Variants in STARD13 observed in about 807,000 individuals in gnomAD.
STARD13 encodes the protein stAR-related lipid transfer protein 13.
A neutral mutation model predicts 106.4 loss-of-function variants in STARD13; 62 were observed. The ratio of observed to expected loss-of-function variants is 0.58; its 90% confidence interval spans 0.48 to 0.72. The LOEUF (loss-of-function observed/expected upper bound fraction) is 0.72. Ranked by LOEUF, STARD13 falls within the 30% of genes least tolerant of loss-of-function variation. The pLI, the probability that STARD13 is intolerant of heterozygous loss-of-function variation, is 0.00. For missense variants in STARD13, 1,387 were observed against 1,424.0 expected (o/e 0.97, Z 0.42); for synonymous variants, 565 against 553.0 (o/e 1.02, Z -0.31).
chr13:33,399,228 G>A, the STARD13 span, among the ~76,000 whole-genome samples: 1 of 152,038 alleles, frequency 6.6e-6, no homozygotes, highest in African/African-American at 2.4e-5. Context: ...AATGAAATAA[G>A]CGACACATAT....
the STARD13 span, among the ~76,000 whole-genome samples, chr13:33,457,782 G>C: frequency 6.6e-6 from 1 of 152,144 alleles, no homozygotes; most frequent in Non-Finnish European, 1.5e-5. Flanking sequence ...CCATCATAAG[G>C]GTTTCATTCT....
chr13:33,656,211 A>C, the STARD13 span, among the ~76,000 whole-genome samples: 1 of 152,214 alleles, frequency 6.6e-6, no homozygotes, highest in Non-Finnish European at 1.5e-5. Flanking sequence ...TCTCTGTTCT[A>C]TACCCCGTGC....
At chr13:33,221,952 C>A (rs1313167794) in intron 1 of STARD13, among the ~76,000 whole-genome samples, 2 of 152,138 alleles carry the variant, frequency 1.3e-5, no homozygotes, top group African/African-American at 4.8e-5. Flanking sequence ...AGATCGAGAC[C>A]ATCCTGGCCA....
intron 7 of STARD13, among the ~76,000 whole-genome samples, chr13:33,125,514 C>T (rs1877018725): frequency 6.6e-6 from 1 of 152,048 alleles, no homozygotes; most frequent in African/African-American, 2.4e-5. Flanking sequence ...TGTTTAGCTT[C>T]AGCATTGAAT....
intron 1 of STARD13, among the ~76,000 whole-genome samples, chr13:33,309,634 G>A (rs1893056062): frequency 6.6e-6 from 1 of 152,188 alleles, no homozygotes; most frequent in African/African-American, 2.4e-5. Flanking sequence ...ACCCTATAAA[G>A]CACTGGTAAT....
chr13:33,529,370 CTTTA>C, the STARD13 span, among the ~76,000 whole-genome samples: 1 of 152,106 alleles, frequency 6.6e-6, no homozygotes, highest in Non-Finnish European at 1.5e-5. Flanking sequence ...AGTTTCATGC[CTTTA>C]TTTTTCACTT....
chr13:33,140,253 T>C (rs1380030870), intron 4 of STARD13, among the ~76,000 whole-genome samples: 1 of 152,228 alleles, frequency 6.6e-6, no homozygotes, highest in Admixed American at 6.5e-5. Flanking sequence ...TGGCATTTTC[T>C]TTTGTGATGC....
At chr13:33,214,566 A>G (rs532743247) in intron 1 of STARD13, among the ~76,000 whole-genome samples, 1 of 152,318 alleles carries the variant, frequency 6.6e-6, no homozygotes, top group African/African-American at 2.4e-5. Flanking sequence ...TGATAAGTGC[A>G]TCTGCCAGCT....
chr13:33,127,681 A>G, intron 5 of STARD13, 135 bp from the exon 6 acceptor site: 1 of 801,204 alleles, frequency 1.2e-6, no homozygotes, highest in East Asian at 3.1e-5. Context: ...AATGGAACAG[A>G]AGACACAAGT....
chr13:33,111,877 T>C lies in STARD13; in HGVS notation c.2508A>G (p.Lys836=). 6.2e-7 allele frequency: 1 copy of C among 1,613,050 alleles called. No individual in the cohort carries two copies. The highest frequency in any genetic ancestry group is 1.1e-5 in the South Asian group (1 of 91,054). The change falls in exon 10 of 14, where the codon AAA becomes AAG. Residue 836 remains lysine (K), a synonymous_variant. Transcript: ENST00000336934. The part of the protein sequence containing the change: ...KESSPRVIQK[K]YATGKPDQKD... The stretch of plus-strand genomic sequence containing the variant: ...TTTGATCTGGCTTCCCAGTGGCATA[T>C]TTCTTCTGTATGACTCTGTAATTGA...
In STARD13 at chr13:33,291,135, T is replaced by G. The variant is rs773195356; in HGVS notation, c.124+59155A>C. ...CTACTGCAGTAGTTAATTCTCTACC[T>G]GCATATACAGAGTGTATTATCCCAC... On this transcript the variant is annotated intron_variant, in intron 1 of 5. Transcript: ENST00000567873. 3.0e-4 allele frequency among the ~76,000 whole-genome samples: 46 copies of G among 152,254 alleles called. 1 individual carries two copies. The highest frequency in any genetic ancestry group is 5.9e-5 in the Non-Finnish European group (4 of 68,040).
intron 1 of STARD13, among the ~76,000 whole-genome samples, chr13:33,224,147 G>A (rs1028123044): frequency 6.6e-6 from 1 of 152,166 alleles, no homozygotes; most frequent in Non-Finnish European, 1.5e-5. Context: ...TAATGTGCAG[G>A]CTGAGAAAGC....
At chr13:33,105,765 A>C (rs966438133) in intron 13 of STARD13, 55 bp from the exon 14 acceptor site, 7 of 1,486,014 alleles carry the variant, frequency 4.7e-6, no homozygotes, top group Non-Finnish European at 5.6e-6. Flanking sequence ...AAATCACAGC[A>C]ATTAGTTTTG....
the STARD13 span, among the ~76,000 whole-genome samples, chr13:33,623,803 T>A: frequency 0.12 from 18,341 of 151,858 alleles, 2,779 homozygotes; most frequent in African/African-American, 0.36. Context: ...AAAAAAGTGT[T>A]AAAAAAAGAC....
the STARD13 span, among the ~76,000 whole-genome samples, chr13:33,406,616 C>T: frequency 6.6e-6 from 1 of 152,172 alleles, no homozygotes; most frequent in Non-Finnish European, 1.5e-5. Context: ...ACCAAATTTC[C>T]ATTTTCTCTG....
chr13:33,438,980 G>T, the STARD13 span, among the ~76,000 whole-genome samples: 7 of 152,184 alleles, frequency 4.6e-5, no homozygotes, highest in Non-Finnish European at 8.8e-5. Flanking sequence ...CTAGCAATAC[G>T]CTATCTACAA....
the STARD13 span, among the ~76,000 whole-genome samples, chr13:33,672,011 T>C: frequency 6.6e-6 from 1 of 152,194 alleles, no homozygotes; most frequent in Non-Finnish European, 1.5e-5. Flanking sequence ...GCAATCCCAT[T>C]ACTGGGTATA....
the STARD13 span, among the ~76,000 whole-genome samples, chr13:33,616,367 C>A: frequency 6.6e-6 from 1 of 152,208 alleles, no homozygotes; most frequent in Non-Finnish European, 1.5e-5. Context: ...CTAGGGACAG[C>A]AGTGTGCTGG....
chr13:33,222,020 A>G (rs1047486421), intron 1 of STARD13, among the ~76,000 whole-genome samples: 16 of 152,038 alleles, frequency 1.1e-4, no homozygotes, highest in African/African-American at 3.9e-4. Context: ...GTGGTGGTGC[A>G]CACCTGCAGT....
Sources: gnomAD v4.1 joint callset for allele counts (sites outside exome capture counted in the v4.1 genomes callset) on GRCh38, gnomAD v4.1.1 for gene constraint, MANE v1.5 for transcripts, NCBI Gene and HGNC (gene_info 2026-07-23, HGNC 2026-07-21) for gene names.